Variants in SCAF4 observed in about 807,000 individuals in gnomAD.
SCAF4 encodes the protein SR-related CTD associated factor 4, also known as SR-related and CTD-associated factor 4.
Under a neutral mutation model 129.8 loss-of-function variants are expected in SCAF4, and 25 were observed. That is an observed-to-expected ratio of 0.19 (90% CI 0.14 to 0.27). The LOEUF (loss-of-function observed/expected upper bound fraction) is 0.27, where lower values mean the gene tolerates loss of function less well. Ranked by LOEUF, SCAF4 falls within the 10% of genes least tolerant of loss-of-function variation. SCAF4 has a pLI of 1.00. For missense variants in SCAF4, 1,246 were observed against 1,457.1 expected (o/e 0.86, Z 2.36); for synonymous variants, 551 against 497.7 (o/e 1.11, Z -1.43).
rs2050177595 is a variant in SCAF4, at chr21:31,688,276, TAAA to T, written c.2043+28_2043+30del. On this transcript the variant is annotated intron_variant, in intron 16 of 19. Coordinates refer to ENST00000286835, the MANE Select transcript of SCAF4 (RefSeq NM_020706.2). ...TTTAGAAAGGGACCTTTCAGGCACTTAAAGTTTAAGTCATGTCCCAATATTCTC... is the reference window on the plus strand; with the variant it reads ...TTTAGAAAGGGACCTTTCAGGCACTTGTTTAAGTCATGTCCCAATATTCTC... 2.5e-6 allele frequency: 4 copies of T among 1,597,272 alleles called. No homozygotes were observed. In the East Asian group the frequency reaches 8.9e-5, roughly 36 times the overall value.
intron 1 of SCAF4, chr21:31,707,009 T>G (rs1050652118): frequency 1.0e-5 from 3 of 300,810 alleles, no homozygotes; most frequent in African/African-American, 6.9e-5. Context: ...TCATCCCATT[T>G]TTTATGTATA....
intron 1 of SCAF4, among the ~76,000 whole-genome samples, chr21:31,708,370 ACT>A (rs926280815): frequency 2.0e-5 from 3 of 151,500 alleles, no homozygotes; most frequent in Non-Finnish European, 4.4e-5. Context: ...ACAGAGCGAG[ACT>A]CTGTCTTTAA....
chr21:31,684,914 A>G (rs932078215), intron 19 of SCAF4, 135 bp downstream of exon 19: 2 of 599,430 alleles, frequency 3.3e-6, no homozygotes, highest in African/African-American at 3.8e-5. Context: ...AAACAAAACA[A>G]CCAAAAAAGC....
intron 16 of SCAF4, among the ~76,000 whole-genome samples, chr21:31,687,470 A>T (rs1296267982): frequency 6.6e-6 from 1 of 152,192 alleles, no homozygotes; most frequent in Non-Finnish European, 1.5e-5. Flanking sequence ...AGAGTTGAGA[A>T]TTAAACCCAG....
chr21:31,674,297 T>C lies in SCAF4; in HGVS notation c.2489-1943A>G, dbSNP rs561217632. Among the ~76,000 whole-genome samples the C allele has an allele frequency of 3.9e-5, 6 of 152,360 alleles. No individual in the cohort carries two copies. The East Asian group carries it at 9.6e-4, about 24-fold the overall frequency. The stretch of plus-strand genomic sequence containing the variant: ...AAAATTTACAATAATCATATAAACC[T>C]TATATAAAAGCACAATTTTTATAAA... On this transcript the variant is annotated intron_variant, in intron 19 of 19. Coordinates refer to ENST00000286835, the MANE Select transcript of SCAF4 (RefSeq NM_020706.2).
chr21:31,678,976 G>A (rs907015155), intron 19 of SCAF4, among the ~76,000 whole-genome samples: 3 of 152,108 alleles, frequency 2.0e-5, no homozygotes, highest in Non-Finnish European at 2.9e-5. Context: ...TTATTGATTA[G>A]ATATTTATTG....
chr21:31,692,373 C>T lies in SCAF4; in HGVS notation c.1590G>A (p.Glu530=). The T allele has an allele frequency of 6.2e-7, 1 of 1,613,890 alleles. No homozygotes were observed. Among genetic ancestry groups the T allele is most frequent in the Non-Finnish European group, 8.5e-7 (1 of 1,179,812 alleles). Reference sequence around the variant, plus strand: ...CATTAATTGATTCAATTGGACCAAACTCTTCCAAGAGACTGGCAACATCCT... The same window carrying T: ...CATTAATTGATTCAATTGGACCAAATTCTTCCAAGAGACTGGCAACATCCT... ...TQQDVASLLE[E]FGPIESINMI... Residue 530 remains glutamate (E), a synonymous_variant, in exon 13 of 20, where the codon GAG becomes GAA. Coordinates refer to ENST00000286835, the MANE Select transcript of SCAF4 (RefSeq NM_020706.2).
At chr21:31,716,569 A>G (rs1473537359) in intron 1 of SCAF4, among the ~76,000 whole-genome samples, 1 of 152,168 alleles carries the variant, frequency 6.6e-6, no homozygotes, top group African/African-American at 2.4e-5. Context: ...TAGACACTGT[A>G]TAACAAAGCA....
At chr21:31,680,085 G>C (rs2049961307) in intron 19 of SCAF4, among the ~76,000 whole-genome samples, 1 of 152,166 alleles carries the variant, frequency 6.6e-6, no homozygotes, top group South Asian at 2.1e-4. Context: ...AATCAATCTA[G>C]AGCCCAGAGT....
chr21:31,715,456 A>C (rs921714619), intron 1 of SCAF4, among the ~76,000 whole-genome samples: 1 of 152,120 alleles, frequency 6.6e-6, no homozygotes, highest in Non-Finnish European at 1.5e-5. Flanking sequence ...ACATCTTTGG[A>C]GAAGGGGGCA....
chr21:31,682,356 C>T lies in SCAF4; in HGVS notation c.2488+2693G>A, dbSNP rs142205592. Reference sequence around the variant, plus strand: ...ATTGCGCCACTGCACTCCAACCTGGCGACAGAGTGAGACACATCTCAAAAA... The same window carrying T: ...ATTGCGCCACTGCACTCCAACCTGGTGACAGAGTGAGACACATCTCAAAAA... On this transcript the variant is annotated intron_variant, in intron 19 of 19. Transcript: ENST00000286835. Among the ~76,000 whole-genome samples, 125 of 149,832 alleles carry T rather than the reference C, an allele frequency of 8.3e-4. 1 individual carries two copies. The highest frequency in any genetic ancestry group is 3.4e-3 in the Middle Eastern group (1 of 294).
chr21:31,686,970 T>C (rs945666237), intron 16 of SCAF4, among the ~76,000 whole-genome samples: 2 of 152,212 alleles, frequency 1.3e-5, no homozygotes, highest in African/African-American at 2.4e-5. Flanking sequence ...TTTCTGTAAA[T>C]GAGTGCTGAC....
At chr21:31,699,322 T>C (rs2050462328) in intron 7 of SCAF4, among the ~76,000 whole-genome samples, 1 of 152,146 alleles carries the variant, frequency 6.6e-6, no homozygotes, top group African/African-American at 2.4e-5. Context: ...ATAGAAATCT[T>C]TTCTAATACA....
intron 19 of SCAF4, among the ~76,000 whole-genome samples, chr21:31,680,560 T>C (rs2049972335): frequency 6.6e-6 from 1 of 152,204 alleles, no homozygotes; most frequent in Admixed American, 6.5e-5. Context: ...ATTAAATACC[T>C]GATATATCAC....
At chr21:31,698,250 C>T (rs1224045626) in intron 7 of SCAF4, among the ~76,000 whole-genome samples, 3 of 152,114 alleles carry the variant, frequency 2.0e-5, no homozygotes, top group Admixed American at 6.5e-5. Context: ...CTGAAACAGA[C>T]AAATTATTTC....
At chr21:31,729,789 T>C (rs1323750203) in intron 1 of SCAF4, among the ~76,000 whole-genome samples, 1 of 152,226 alleles carries the variant, frequency 6.6e-6, no homozygotes, top group Non-Finnish European at 1.5e-5. Flanking sequence ...ATTTTGCACA[T>C]TTAAAAGGTC....
intron 16 of SCAF4, among the ~76,000 whole-genome samples, chr21:31,686,891 T>C (rs544907260): frequency 3.3e-5 from 5 of 152,210 alleles, no homozygotes; most frequent in Admixed American, 1.3e-4. Context: ...CATGGAAAAA[T>C]TGCCTTCCAA....
intron 19 of SCAF4, among the ~76,000 whole-genome samples, chr21:31,683,359 G>C (rs2050039776): frequency 6.6e-6 from 1 of 152,144 alleles, no homozygotes. Context: ...TCTGTGTTTG[G>C]TTGCACATGT....
intron 19 of SCAF4, 47 bp downstream of exon 19, chr21:31,685,002 G>T: frequency 1.5e-6 from 1 of 689,374 alleles, no homozygotes; most frequent in Non-Finnish European, 2.4e-6. Flanking sequence ...GGGGGGGTGG[G>T]GGGGGGGTGG....
Sources: gnomAD v4.1 joint callset for allele counts (sites outside exome capture counted in the v4.1 genomes callset) on GRCh38, gnomAD v4.1.1 for gene constraint, MANE v1.5 for transcripts, NCBI Gene and HGNC (gene_info 2026-07-23, HGNC 2026-07-21) for gene names.